The following PDE3B variants were observed in gnomAD, a reference collection of about 807,000 sequenced individuals.
PDE3B encodes the protein cGMP-inhibited 3',5'-cyclic phosphodiesterase 3B.
A neutral mutation model predicts 116.8 loss-of-function variants in PDE3B; 66 were observed. That is an observed-to-expected ratio of 0.56 (90% confidence interval 0.46 to 0.69). PDE3B has a LOEUF of 0.69. PDE3B is among the 30% of genes least tolerant of loss of function. The pLI is 0.00. For missense variants in PDE3B, 1,384 were observed against 1,368.1 expected (o/e 1.01, Z -0.18); for synonymous variants, 595 against 533.6 (o/e 1.12, Z -1.59).
At chr11:14,696,730 A>G (rs1310187902) in intron 1 of PDE3B, among the ~76,000 whole-genome samples, 4 of 152,022 alleles carry the variant, frequency 2.6e-5, no homozygotes, top group Admixed American at 6.6e-5. Flanking sequence ...TGTATTGGGA[A>G]TATCTTCTCC....
At chr11:14,782,163 A>G (rs887875068) in intron 2 of PDE3B, among the ~76,000 whole-genome samples, 13 of 150,728 alleles carry the variant, frequency 8.6e-5, no homozygotes, top group Admixed American at 6.6e-5. Context: ...AAAAGAGGAC[A>G]CAAACAAGTG....
chr11:14,663,951 A>G (rs942018082), intron 1 of PDE3B, among the ~76,000 whole-genome samples: 2 of 152,172 alleles, frequency 1.3e-5, no homozygotes, highest in African/African-American at 4.8e-5. Context: ...ACCCCAAATC[A>G]ACAGAATATA....
At chr11:14,645,821 T>C (rs1251783691) in intron 1 of PDE3B, among the ~76,000 whole-genome samples, 1 of 152,166 alleles carries the variant, frequency 6.6e-6, no homozygotes, top group Non-Finnish European at 1.5e-5. Context: ...AGTTTACATC[T>C]TTATATAGTA....
chr11:14,743,295 G>T (rs986545983), intron 1 of PDE3B, among the ~76,000 whole-genome samples: 1 of 152,194 alleles, frequency 6.6e-6, no homozygotes, highest in Non-Finnish European at 1.5e-5. Context: ...TCTGGCTATA[G>T]TGGCTTTGCC....
chr11:14,747,239 C>G (rs1186042920), intron 1 of PDE3B, among the ~76,000 whole-genome samples: 1 of 152,194 alleles, frequency 6.6e-6, no homozygotes. Flanking sequence ...GCAGGCCCCA[C>G]CTTCAACTTT....
At chr11:14,693,594 C>A (rs536309641) in intron 1 of PDE3B, among the ~76,000 whole-genome samples, 2 of 152,302 alleles carry the variant, frequency 1.3e-5, no homozygotes, top group East Asian at 3.9e-4. Flanking sequence ...TAGATGACAG[C>A]ACATCTGTTG....
intron 12 of PDE3B, among the ~76,000 whole-genome samples, chr11:14,849,285 T>G (rs1233339770): frequency 1.7e-3 from 231 of 137,214 alleles, no homozygotes; most frequent in South Asian, 4.1e-3. Context: ...GCTAGCCATA[T>G]GTAGAAAGCT....
At chr11:14,887,495 A>AACTTATC in the PDE3B span, 2 of 734,288 alleles carry the variant, frequency 2.7e-6, no homozygotes, top group Admixed American at 6.3e-5. Flanking sequence ...TTATCCTTAA[A>AACTTATC]CTGCTTTGAT....
chr11:14,834,217 T>C (rs1177480515), intron 10 of PDE3B, among the ~76,000 whole-genome samples: 1 of 152,198 alleles, frequency 6.6e-6, no homozygotes, highest in Non-Finnish European at 1.5e-5. Flanking sequence ...ACATTAAATA[T>C]TTGTTGAAGT....
intron 15 of PDE3B, among the ~76,000 whole-genome samples, chr11:14,869,056 A>G (rs1427620373): frequency 1.3e-5 from 2 of 152,050 alleles, no homozygotes; most frequent in Non-Finnish European, 2.9e-5. Context: ...AAATGTTGGT[A>G]ATTGTGTTTA....
At chr11:14,835,165 C>A (rs990062306) in intron 11 of PDE3B, 70 bp downstream of exon 11, 2 of 950,190 alleles carry the variant, frequency 2.1e-6, no homozygotes, top group Non-Finnish European at 3.2e-6. Context: ...CATTTCATTA[C>A]CTCTGTTCTT....
chr11:14,791,511 G>T (rs1358024396), intron 4 of PDE3B, among the ~76,000 whole-genome samples: 1 of 152,014 alleles, frequency 6.6e-6, no homozygotes, highest in African/African-American at 2.4e-5. Context: ...TGTTATCTTT[G>T]CATCCTGTTA....
intron 1 of PDE3B, among the ~76,000 whole-genome samples, chr11:14,714,420 G>A (rs993098491): frequency 8.6e-5 from 13 of 151,286 alleles, no homozygotes; most frequent in African/African-American, 2.2e-4. Flanking sequence ...AGTGCCTGTC[G>A]TCCCAGCTAC....
the PDE3B span, chr11:14,892,087 G>T: frequency 6.2e-7 from 1 of 1,611,924 alleles, no homozygotes. Flanking sequence ...CGGCCCCGGG[G>T]GGAAGCCCAT....
chr11:14,891,845 C>A, the PDE3B span: 1 of 1,412,580 alleles, frequency 7.1e-7, no homozygotes, highest in Non-Finnish European at 9.4e-7. Flanking sequence ...AAGCGGGTGT[C>A]CCTCAAAGGG....
intron 2 of PDE3B, among the ~76,000 whole-genome samples, chr11:14,782,216 A>G (rs562349898): frequency 2.5e-4 from 38 of 152,230 alleles, no homozygotes; most frequent in Non-Finnish European, 5.0e-4. Context: ...TGCCATCCCC[A>G]ACAAGCTAGC....
intron 14 of PDE3B, among the ~76,000 whole-genome samples, chr11:14,865,510 T>C (rs781789040): frequency 4.6e-5 from 7 of 152,142 alleles, no homozygotes; most frequent in African/African-American, 1.7e-4. Context: ...CCAGATTGTA[T>C]TGAAAATGTG....
Position 14,721,105 on chromosome 11 carries a change from G to C in PDE3B, c.979-50832G>C, listed in dbSNP as rs1156831747. Among the ~76,000 whole-genome samples the C allele has an allele frequency of 5.4e-5, 8 of 148,490 alleles. No homozygotes were observed. In the East Asian group the frequency reaches 6.0e-4, roughly 11 times the overall value. ...AAAAAACAAACAACCCCATCAAAAA[G>C]TGGGCAAAGGACATGAACAGACACT... On this transcript the variant is annotated intron_variant, in intron 1 of 15. Coordinates refer to ENST00000282096, the MANE Select transcript of PDE3B (RefSeq NM_000922.4).
chr11:14,715,229 A>G (rs561551570), intron 1 of PDE3B, among the ~76,000 whole-genome samples: 2 of 152,304 alleles, frequency 1.3e-5, no homozygotes, highest in Non-Finnish European at 2.9e-5. Context: ...CTTAGGATTG[A>G]CTTGGCGATG....
Sources: allele counts gnomAD v4.1 joint callset (sites outside exome capture counted in the v4.1 genomes callset), GRCh38; gene constraint gnomAD v4.1.1; transcripts MANE v1.5; gene names NCBI Gene and HGNC (gene_info 2026-07-23, HGNC 2026-07-21).